The following CDH12 variants were observed in gnomAD, a reference collection of about 807,000 sequenced individuals.
The protein encoded by CDH12 is cadherin-12.
CDH12 carries 41 observed loss-of-function variants against 74.1 expected under a neutral mutation model. The observed-to-expected ratio is 0.55, with a 90% CI of 0.43 to 0.72. The LOEUF is 0.72. Among genes scored for constraint, CDH12 ranks in the 30% least tolerant of loss-of-function variants. The pLI, the probability that CDH12 is intolerant of heterozygous loss-of-function variation, is 0.00. For missense variants in CDH12, 945 were observed against 977.2 expected (o/e 0.97, Z 0.44); for synonymous variants, 399 against 355.0 (o/e 1.12, Z -1.39).
intron 3 of CDH12, among the ~76,000 whole-genome samples, chr5:22,314,821 G>T (rs1451282591): frequency 1.3e-5 from 2 of 151,610 alleles, no homozygotes; most frequent in African/African-American, 4.9e-5. Context: ...GGAATTCAAG[G>T]TCATTAGGGT....
At chr5:22,335,381 C>G (rs1015093860) in intron 3 of CDH12, among the ~76,000 whole-genome samples, 11 of 152,094 alleles carry the variant, frequency 7.2e-5, no homozygotes, top group African/African-American at 2.6e-4. Flanking sequence ...GTCAGGAGAT[C>G]GAGACCATCC....
intron 3 of CDH12, among the ~76,000 whole-genome samples, chr5:22,366,022 G>T (rs1463984367): frequency 6.6e-6 from 1 of 152,004 alleles, no homozygotes; most frequent in Non-Finnish European, 1.5e-5. Context: ...ACAGTGGTGC[G>T]ATCTTGGCTC....
chr5:22,851,435 A>AG (rs1050670554), intron 1 of CDH12, among the ~76,000 whole-genome samples: 2 of 152,158 alleles, frequency 1.3e-5, no homozygotes, highest in African/African-American at 4.8e-5. Flanking sequence ...TTAATGGGGA[A>AG]GGGGATTAAC....
At chr5:21,905,517 T>C (rs979086797) in intron 6 of CDH12, among the ~76,000 whole-genome samples, 2 of 152,176 alleles carry the variant, frequency 1.3e-5, no homozygotes, top group African/African-American at 4.8e-5. Flanking sequence ...ATTTTCTAAC[T>C]CCAGGTTTTA....
At chr5:22,263,620 G>A (rs1280673669) in intron 3 of CDH12, among the ~76,000 whole-genome samples, 1 of 151,940 alleles carries the variant, frequency 6.6e-6, no homozygotes, top group Non-Finnish European at 1.5e-5. Flanking sequence ...GAAATGCAAT[G>A]ATACAATTTT....
At chr5:22,029,841 T>C (rs1176651895) in intron 5 of CDH12, among the ~76,000 whole-genome samples, 1 of 150,348 alleles carries the variant, frequency 6.7e-6, no homozygotes, top group African/African-American at 2.5e-5. Context: ...CTATTCACAA[T>C]AGCAAAGACT....
intron 6 of CDH12, among the ~76,000 whole-genome samples, chr5:21,935,041 C>A (rs1277179612): frequency 6.6e-6 from 1 of 152,186 alleles, no homozygotes; most frequent in Non-Finnish European, 1.5e-5. Flanking sequence ...CCACCTCGGC[C>A]TCCCAAAGTG....
At chr5:22,643,827 A>G (rs1245961965) in intron 1 of CDH12, among the ~76,000 whole-genome samples, 1 of 135,992 alleles carries the variant, frequency 7.4e-6, no homozygotes, top group African/African-American at 2.8e-5. Flanking sequence ...TTCCAACGGC[A>G]TGTGCTTACT....
At chr5:22,520,709 C>T (rs1293802538) in intron 1 of CDH12, among the ~76,000 whole-genome samples, 1 of 152,036 alleles carries the variant, frequency 6.6e-6, no homozygotes, top group Non-Finnish European at 1.5e-5. Context: ...CTTCAGTGAT[C>T]GTTATATAAA....
intron 1 of CDH12, among the ~76,000 whole-genome samples, chr5:22,726,568 T>C (rs79010630): frequency 0.06 from 9,081 of 151,898 alleles, 328 homozygotes; most frequent in African/African-American, 0.09. Context: ...TCATAATGTA[T>C]TTCCTCCAGC....
At chr5:22,559,412 T>C (rs932192518) in intron 1 of CDH12, among the ~76,000 whole-genome samples, 1 of 152,074 alleles carries the variant, frequency 6.6e-6, no homozygotes, top group Non-Finnish European at 1.5e-5. Context: ...AACAGCAATG[T>C]AAAAGTTTTG....
intron 2 of CDH12, among the ~76,000 whole-genome samples, chr5:22,437,255 T>A (rs1744435428): frequency 6.6e-6 from 1 of 151,892 alleles, no homozygotes; most frequent in African/African-American, 2.4e-5. Context: ...AATGTTGAAA[T>A]AATTTTATCT....
rs770095798 is a variant in CDH12 at position 21,783,344 on chromosome 5, C to T, written c.1393+14G>A. ...ACTGCAGTATAACATTGATTCTGTCCATGCCATACTTACTAACTTTACTCG... is the reference window on the plus strand; with the variant it reads ...ACTGCAGTATAACATTGATTCTGTCTATGCCATACTTACTAACTTTACTCG... On this transcript the variant is annotated intron_variant, in intron 11 of 14. Coordinates refer to ENST00000382254, the MANE Select transcript of CDH12 (RefSeq NM_004061.5). 1 of 1,607,932 alleles carries T rather than the reference C, an allele frequency of 6.2e-7. No homozygotes were observed. Among genetic ancestry groups the T allele is most frequent in the Non-Finnish European group, 8.5e-7 (1 of 1,175,792 alleles).
At chr5:22,763,661 A>C (rs1277260730) in intron 1 of CDH12, among the ~76,000 whole-genome samples, 1 of 151,934 alleles carries the variant, frequency 6.6e-6, no homozygotes, top group African/African-American at 2.4e-5. Flanking sequence ...AAGAGTAGAA[A>C]ACCTTAAAGA....
chr5:22,365,389 C>A (rs1740986625), intron 3 of CDH12, among the ~76,000 whole-genome samples: 1 of 152,118 alleles, frequency 6.6e-6, no homozygotes, highest in South Asian at 2.1e-4. Flanking sequence ...ACAATTTTGA[C>A]AGAGATATTC....
chr5:22,140,770 C>G (rs1374504192), intron 4 of CDH12, among the ~76,000 whole-genome samples: 1 of 152,090 alleles, frequency 6.6e-6, no homozygotes. Flanking sequence ...ACACACAGGT[C>G]ACCAAGGAAA....
At chr5:21,996,713 A>ATTTTT (rs1736324015) in intron 5 of CDH12, among the ~76,000 whole-genome samples, 1 of 152,214 alleles carries the variant, frequency 6.6e-6, no homozygotes, top group Non-Finnish European at 1.5e-5. Context: ...AGTTAAAAAT[A>ATTTTT]AAACAAGTTT....
intron 1 of CDH12, among the ~76,000 whole-genome samples, chr5:22,705,164 G>A (rs1382495908): frequency 1.0e-5 from 1 of 97,112 alleles, no homozygotes; most frequent in African/African-American, 4.5e-5. Flanking sequence ...CACACACACA[G>A]TGTAGAGATA....
At chr5:22,532,816 G>A (rs999080257) in intron 1 of CDH12, among the ~76,000 whole-genome samples, 4 of 151,928 alleles carry the variant, frequency 2.6e-5, no homozygotes, top group African/African-American at 9.6e-5. Context: ...TACTGATTGT[G>A]ATTTTTTCAC....
Sources: gnomAD v4.1 joint callset for allele counts (sites outside exome capture counted in the v4.1 genomes callset) on GRCh38, gnomAD v4.1.1 for gene constraint, MANE v1.5 for transcripts, NCBI Gene and HGNC (gene_info 2026-07-23, HGNC 2026-07-21) for gene names.